Variants in TEX9 observed in about 807,000 individuals in gnomAD.
The protein encoded by TEX9 is testis expressed 9.
TEX9 carries 74 observed loss-of-function variants against 59.6 expected under a neutral mutation model. That is an observed-to-expected ratio of 1.24 (90% confidence interval 1.03 to 1.51). The LOEUF is 1.51. Among genes scored for constraint, TEX9 ranks in the 40% most tolerant of loss-of-function variants. The pLI, the probability that TEX9 is intolerant of heterozygous loss-of-function variation, is 0.00. For missense variants in TEX9, 522 were observed against 447.8 expected (o/e 1.17, Z -1.49); for synonymous variants, 186 against 152.2 (o/e 1.22, Z -1.64).
At position 56,371,302 on chromosome 15, in the gene TEX9, C is replaced by A. The variant is rs118086931; in HGVS notation, c.120-2139C>A. On this transcript the variant is annotated intron_variant, in intron 2 of 12. Coordinates refer to ENST00000352903, the Ensembl canonical transcript of TEX9. ...CTGTCTTCTAATTCACTCATTCCTT[C>A]TATGCCCATTATGCTGTTCAACATA... Among the ~76,000 whole-genome samples the A allele has an allele frequency of 3.2e-3, 493 of 152,302 alleles. 5 individuals carry two copies. The highest frequency in any genetic ancestry group is 0.018 in the South Asian group (86 of 4,826).
chr15:56,430,759 C>T (rs891720384), intron 12 of TEX9, among the ~76,000 whole-genome samples: 3 of 152,144 alleles, frequency 2.0e-5, no homozygotes, highest in Non-Finnish European at 4.4e-5. Flanking sequence ...GTGCCTATTA[C>T]TGGTGTTACC....
upstream of TEX9, among the ~76,000 whole-genome samples, chr15:56,363,637 G>A (rs1444339899): frequency 6.6e-6 from 1 of 150,814 alleles, no homozygotes; most frequent in East Asian, 1.9e-4. Flanking sequence ...TTTAACTTGG[G>A]TTGTCTTTTT....
intron 12 of TEX9, chr15:56,443,578 AAATTCTGTAACT>A: frequency 5.7e-6 from 9 of 1,584,412 alleles, no homozygotes; most frequent in Non-Finnish European, 7.7e-6. Flanking sequence ...TATAGGATCC[AAATTCTGTAACT>A]AATATTTCAG....
intron 10 of TEX9, among the ~76,000 whole-genome samples, chr15:56,413,260 TTAAA>T (rs1438146713): frequency 3.4e-5 from 4 of 116,114 alleles, no homozygotes; most frequent in Non-Finnish European, 5.1e-5. Context: ...ATTTATTTAA[TTAAA>T]TAATTTAATA....
At chr15:56,297,662 G>A (rs1280816642) in intron 1 of TEX9, among the ~76,000 whole-genome samples, 7 of 152,118 alleles carry the variant, frequency 4.6e-5, no homozygotes, top group Admixed American at 3.3e-4. Flanking sequence ...GAGCCACCAC[G>A]CCCAGCTAAT....
rs143269042 is a variant in TEX9 at position 56,414,893 on chromosome 15, C to T, written c.963+2457C>T. Among the ~76,000 whole-genome samples, 626 of 151,926 alleles carry T rather than the reference C, an allele frequency of 4.1e-3. 16 individuals are homozygous for T. Among genetic ancestry groups the T allele is most frequent in the African/African-American group, 0.014 (589 of 41,252 alleles). ...GTGTTCCCTTTTCTCTGCAACCTCA[C>T]CAGATCTGTTATTTTTTGACTTTTT... On this transcript the variant is annotated intron_variant, in intron 10 of 12. Coordinates refer to ENST00000352903, the Ensembl canonical transcript of TEX9.
chr15:56,377,443 T>C (rs763855079), intron 3 of TEX9, among the ~76,000 whole-genome samples: 72 of 152,134 alleles, frequency 4.7e-4, no homozygotes, highest in African/African-American at 1.7e-3. Flanking sequence ...TGATGTTTTA[T>C]AGTTTTTGTT....
chr15:56,302,171 C>T (rs1360546648), intron 1 of TEX9, among the ~76,000 whole-genome samples: 2 of 152,080 alleles, frequency 1.3e-5, no homozygotes, highest in African/African-American at 2.4e-5. Context: ...TATTTCCAAG[C>T]CGCATGGTAA....
intron 7 of TEX9, among the ~76,000 whole-genome samples, chr15:56,391,819 AT>A (rs1222742098): frequency 6.6e-6 from 1 of 152,148 alleles, no homozygotes; most frequent in Non-Finnish European, 1.5e-5. Flanking sequence ...CTGTTAATAT[AT>A]TTTATTTATT....
At chr15:56,396,568 G>GTTTTTTTTTTTTTTTTTTTTTTT (rs11436613) in intron 9 of TEX9, 1 of 120,204 alleles carries the variant, frequency 8.3e-6, no homozygotes. Flanking sequence ...TTTTGAATCT[G>GTTTTTTTTTTTTTTTTTTTTTTT]TTTTTTTTTT....
chr15:56,327,512 A>C (rs1414016341), intron 1 of TEX9, among the ~76,000 whole-genome samples: 2 of 152,216 alleles, frequency 1.3e-5, no homozygotes, highest in Admixed American at 1.3e-4. Context: ...AAGTATCTAC[A>C]CACAAAAAAC....
Position 56,438,430 on chromosome 15 carries a change from T to A in TEX9, c.*30-7241T>A, listed in dbSNP as rs539502044. Among the ~76,000 whole-genome samples the A allele has an allele frequency of 4.4e-3, 667 of 152,240 alleles. 7 individuals carry two copies. Among genetic ancestry groups the A allele is most frequent in the Middle Eastern group, 0.017 (5 of 294 alleles). On this transcript the variant is annotated intron_variant, in intron 12 of 12. Transcript: ENST00000352903. Reference sequence around the variant, plus strand: ...GTTTAATAAATGGTGCTGGAAAAACTGGCTAGCCATAGGTAGAAAGCTGAA... The same window carrying A: ...GTTTAATAAATGGTGCTGGAAAAACAGGCTAGCCATAGGTAGAAAGCTGAA...
intron 9 of TEX9, among the ~76,000 whole-genome samples, chr15:56,401,849 A>G (rs2048803072): frequency 6.6e-6 from 1 of 152,238 alleles, no homozygotes; most frequent in Non-Finnish European, 1.5e-5. Context: ...ACACAACTAC[A>G]TGGAAACAGA....
At chr15:56,421,957 T>C (rs1275596947) in intron 10 of TEX9, among the ~76,000 whole-genome samples, 1 of 151,234 alleles carries the variant, frequency 6.6e-6, no homozygotes, top group Non-Finnish European at 1.5e-5. Flanking sequence ...AGCAGCATGA[T>C]TTATAGTCCC....
Position 56,383,987 on chromosome 15 carries a change from AAC to A in TEX9, c.223_224del (p.Gln75AsnfsTer5). 6.2e-7 allele frequency: 1 copy of A among 1,612,826 alleles called. No individual in the cohort carries two copies. The highest frequency in any genetic ancestry group is 8.5e-7 in the Non-Finnish European group (1 of 1,179,372). ...AAGAAGTACGATCTAGGCCTGTTTC[AAC>A]ACAAATGAAATCATGTGATGACGAA... On this transcript the variant is annotated frameshift_variant, in exon 4 of 13. Transcript: ENST00000352903. LOFTEE classifies it high-confidence loss of function.
chr15:56,397,069 TG>T, intron 9 of TEX9: 1 of 153,192 alleles, frequency 6.5e-6, no homozygotes, highest in Non-Finnish European at 1.5e-5. Flanking sequence ...CAGGAAAATA[TG>T]GGAAAGTTTG....
At chr15:56,311,258 G>A (rs2045606789) in intron 1 of TEX9, among the ~76,000 whole-genome samples, 1 of 134,706 alleles carries the variant, frequency 7.4e-6, no homozygotes, top group Admixed American at 7.5e-5. Context: ...TCGTCATCTA[G>A]CATTAGGTAT....
intron 3 of TEX9, among the ~76,000 whole-genome samples, chr15:56,379,427 G>T (rs2682043): frequency 6.6e-6 from 1 of 152,220 alleles, no homozygotes; most frequent in African/African-American, 2.4e-5. Flanking sequence ...TATTATTTCA[G>T]TTTTTAAAAT....
chr15:56,268,463 G>C (rs1180333918), intron 1 of TEX9, among the ~76,000 whole-genome samples: 1 of 152,156 alleles, frequency 6.6e-6, no homozygotes, highest in Non-Finnish European at 1.5e-5. Context: ...CTGTGGGTTT[G>C]TCGTAAATAG....
Sources: allele counts gnomAD v4.1 joint callset (sites outside exome capture counted in the v4.1 genomes callset), GRCh38; gene constraint gnomAD v4.1.1; transcripts MANE v1.5; gene names NCBI Gene and HGNC (gene_info 2026-07-23, HGNC 2026-07-21).